TENM2: variants seen among roughly 807,000 people sequenced by gnomAD.
TENM2 encodes the protein teneurin-2.
A neutral mutation model predicts 245.2 loss-of-function variants in TENM2; 52 were observed. The observed-to-expected ratio is 0.21, with a 90% CI of 0.17 to 0.27. TENM2 has a LOEUF of 0.27. Ranked by LOEUF, TENM2 falls within the 10% of genes least tolerant of loss-of-function variation. The pLI, the probability that TENM2 is intolerant of heterozygous loss-of-function variation, is 1.00. For synonymous variants in TENM2, 1,363 were observed against 1,438.9 expected (o/e 0.95, Z 1.19); for missense variants, 3,046 against 3,666.8 (o/e 0.83, Z 4.37).
At chr5:168,254,689 C>G (rs751250713) in intron 27 of TENM2, among the ~76,000 whole-genome samples, 1 of 152,070 alleles carries the variant, frequency 6.6e-6, no homozygotes, top group Non-Finnish European at 1.5e-5. Context: ...CTCAAGGGAT[C>G]CTGAGCTAGG....
At chr5:167,361,945 A>G (rs1759742216) in intron 1 of TENM2, among the ~76,000 whole-genome samples, 1 of 152,184 alleles carries the variant, frequency 6.6e-6, no homozygotes, top group Non-Finnish European at 1.5e-5. Flanking sequence ...ACAAGTGCTG[A>G]TGGTGTAGTA....
intron 2 of TENM2, among the ~76,000 whole-genome samples, chr5:167,634,133 G>T (rs1444823808): frequency 1.3e-5 from 2 of 152,166 alleles, no homozygotes; most frequent in African/African-American, 4.8e-5. Context: ...ATCTCAACAA[G>T]TGATGCTCAT....
intron 2 of TENM2, among the ~76,000 whole-genome samples, chr5:167,482,461 T>A (rs1415410103): frequency 1.3e-5 from 2 of 152,174 alleles, no homozygotes; most frequent in African/African-American, 2.4e-5. Context: ...TTTAAAAAAA[T>A]TATGCTGACT....
intron 24 of TENM2, among the ~76,000 whole-genome samples, chr5:168,227,090 CA>C (rs1267556527): frequency 2.0e-5 from 3 of 152,184 alleles, no homozygotes; most frequent in African/African-American, 4.8e-5. Flanking sequence ...CTCACTGCCC[CA>C]AAAGCTGACA....
chr5:168,162,663 C>T (rs370737714), exon 13 of TENM2: 2 of 1,613,914 alleles, frequency 1.2e-6, no homozygotes, highest in African/African-American at 1.3e-5. Flanking sequence ...TGGGTCAGAA[C>T]AGCTGGCAGT....
At chr5:167,896,965 A>T (rs1207971389) in intron 3 of TENM2, among the ~76,000 whole-genome samples, 3 of 152,218 alleles carry the variant, frequency 2.0e-5, no homozygotes, top group Non-Finnish European at 2.9e-5. Flanking sequence ...TGCATGTGCA[A>T]GCCTCTAAAT....
intron 12 of TENM2, among the ~76,000 whole-genome samples, chr5:168,127,996 G>A (rs1239349726): frequency 1.3e-5 from 2 of 152,192 alleles, no homozygotes; most frequent in Admixed American, 1.3e-4. Context: ...AGGGCTAGGA[G>A]CTTGCGCAGG....
At chr5:167,071,944 C>A in the TENM2 span, among the ~76,000 whole-genome samples, 1 of 123,202 alleles carries the variant, frequency 8.1e-6, no homozygotes, top group African/African-American at 3.0e-5. Context: ...CGCTTTTATT[C>A]CAGATTGCCA....
intron 4 of TENM2, among the ~76,000 whole-genome samples, chr5:167,973,439 A>T (rs764671131): frequency 6.6e-6 from 1 of 152,250 alleles, no homozygotes; most frequent in Non-Finnish European, 1.5e-5. Context: ...ACCATGGCAC[A>T]GAGAGTGAAA....
chr5:167,738,874 G>A (rs1027222419), intron 2 of TENM2, among the ~76,000 whole-genome samples: 4 of 152,122 alleles, frequency 2.6e-5, no homozygotes, highest in Non-Finnish European at 5.9e-5. Flanking sequence ...GAAAGTCCCC[G>A]TTTTAACTTA....
At chr5:167,843,566 TG>T (rs1769749271) in intron 2 of TENM2, among the ~76,000 whole-genome samples, 1 of 152,026 alleles carries the variant, frequency 6.6e-6, no homozygotes, top group Non-Finnish European at 1.5e-5. Context: ...GTAGGGTTGG[TG>T]GGGGAGGGGG....
At chr5:167,019,024 C>CTGG in the TENM2 span, among the ~76,000 whole-genome samples, 4 of 152,190 alleles carry the variant, frequency 2.6e-5, no homozygotes, top group African/African-American at 9.6e-5. Flanking sequence ...CTTCTCAGGT[C>CTGG]TGGTCTTCAG....
At chr5:168,195,033 G>C in intron 14 of TENM2, 143 bp from the exon 17 acceptor site, 1 of 975,856 alleles carries the variant, frequency 1.0e-6, no homozygotes, top group Non-Finnish European at 1.5e-6. Context: ...TGTCACTAGC[G>C]TGATTGTGCA....
At position 168,214,832 on chromosome 5, in the gene TENM2, A is replaced by G. The variant is rs1183041880; in HGVS notation, c.3846-208A>G. ...CATGGTGGGAAATGAATTTTCTAAT[A>G]GCATAAGAAGCATAAGTCCAATTAG... is the stretch of plus-strand genomic sequence containing the variant. On this transcript the variant is annotated intron_variant, in intron 20 of 28. Coordinates refer to ENST00000518659, the Ensembl canonical transcript of TENM2. 11 of 662,650 alleles carry G rather than the reference A, an allele frequency of 1.7e-5. No individual in the cohort carries two copies. The Admixed American group carries it at 2.3e-4, about 14-fold the overall frequency. The allele number at this position is 662,650 out of a possible 1,614,324, so 41.0% of individuals were successfully genotyped here. A position where few individuals can be genotyped will look rare whatever the true frequency, so the allele number is the denominator to read the frequency against.
At chr5:168,223,342 A>ACTGT (rs1250268240) in intron 23 of TENM2, among the ~76,000 whole-genome samples, 1 of 152,212 alleles carries the variant, frequency 6.6e-6, no homozygotes, top group Non-Finnish European at 1.5e-5. Flanking sequence ...AGGAGGAGAA[A>ACTGT]CTGTCTGTTA....
At chr5:167,219,347 CAAACA>C in the TENM2 span, among the ~76,000 whole-genome samples, 31,552 of 151,788 alleles carry the variant, frequency 0.21, 3,863 homozygotes, top group African/African-American at 0.34. Flanking sequence ...CAAAACCAAC[CAAACA>C]AAACAAACAA....
chr5:167,006,131 A>G, the TENM2 span, among the ~76,000 whole-genome samples: 2 of 152,078 alleles, frequency 1.3e-5, no homozygotes, highest in Admixed American at 6.6e-5. Context: ...CTTGGAATCA[A>G]CTTGGAAACC....
intron 25 of TENM2, among the ~76,000 whole-genome samples, chr5:168,230,641 ATCTT>A (rs1413444195): frequency 6.6e-6 from 1 of 152,024 alleles, no homozygotes; most frequent in Non-Finnish European, 1.5e-5. Context: ...CTATCTATCT[ATCTT>A]AGTCTTGCTG....
rs560168744 is a variant in TENM2, at chr5:168,204,613, G to C, written c.3816G>C (p.Leu1272Phe). Residue 1272 changes from leucine to phenylalanine, a missense_variant, in exon 19 of 29, where the codon TTG (leucine) becomes TTC (phenylalanine). Leu to Phe is a conservative substitution (Grantham distance 22). Coordinates refer to ENST00000518659, the Ensembl canonical transcript of TENM2. ...CCTCTCGAAATGTGACCAGCATCTTGGAGTTACGGTAAATGGCCTCACAGG... is the reference window on the plus strand; with the variant it reads ...CCTCTCGAAATGTGACCAGCATCTTCGAGTTACGGTAAATGGCCTCACAGG... 1 of 1,613,506 alleles carries C rather than the reference G, an allele frequency of 6.2e-7. No individual in the cohort carries two copies. Among genetic ancestry groups the C allele is most frequent in the East Asian group, 2.2e-5 (1 of 44,866 alleles).
Sources: allele counts gnomAD v4.1 joint callset (sites outside exome capture counted in the v4.1 genomes callset), GRCh38; gene constraint gnomAD v4.1.1; transcripts MANE v1.5; gene names NCBI Gene and HGNC (gene_info 2026-07-23, HGNC 2026-07-21).